Variants in FMN1 observed in about 807,000 individuals in gnomAD.
The protein encoded by FMN1 is formin-1.
Under a neutral mutation model 132.4 loss-of-function variants are expected in FMN1, and 110 were observed. The observed-to-expected ratio is 0.83, with a 90% confidence interval of 0.71 to 0.97. The LOEUF (loss-of-function observed/expected upper bound fraction) is 0.97. FMN1 is among the 50% of genes least tolerant of loss of function. The pLI, the probability that FMN1 is intolerant of heterozygous loss-of-function variation, is 0.00. For missense variants in FMN1, 1,792 were observed against 1,705.3 expected (o/e 1.05, Z -0.90); for synonymous variants, 722 against 651.7 (o/e 1.11, Z -1.64).
intron 15 of FMN1, among the ~76,000 whole-genome samples, chr15:32,897,616 A>G (rs929358307): frequency 2.0e-5 from 3 of 152,214 alleles, no homozygotes; most frequent in Middle Eastern, 3.2e-3. Context: ...GCAAGGTTGT[A>G]AAAGATTGGA....
intron 3 of FMN1, among the ~76,000 whole-genome samples, chr15:33,158,471 G>T (rs898148705): frequency 1.3e-5 from 2 of 151,720 alleles, no homozygotes; most frequent in African/African-American, 4.8e-5. Flanking sequence ...TTACACTATT[G>T]CCTCATCCAC....
At chr15:32,883,556 C>G (rs692950) in intron 16 of FMN1, among the ~76,000 whole-genome samples, 1 of 125,136 alleles carries the variant, frequency 8.0e-6, no homozygotes, top group African/African-American at 2.9e-5. Context: ...TGAGATCAAG[C>G]GGTAAGTAAT....
chr15:33,126,211 T>TA (rs1430538110), intron 4 of FMN1, among the ~76,000 whole-genome samples: 2 of 150,190 alleles, frequency 1.3e-5, no homozygotes, highest in Non-Finnish European at 2.9e-5. Context: ...AAGCACCACC[T>TA]AAAGACAGAG....
chr15:33,007,947 C>T, intron 7 of FMN1, 67 bp downstream of exon 7: 1 of 1,355,518 alleles, frequency 7.4e-7, no homozygotes, highest in South Asian at 1.3e-5. Context: ...GGAATATTTA[C>T]TTCAGCATAG....
intron 17 of FMN1, among the ~76,000 whole-genome samples, chr15:32,834,062 TCTGTTTC>T (rs1393535911): frequency 6.6e-6 from 1 of 152,226 alleles, no homozygotes; most frequent in Non-Finnish European, 1.5e-5. Context: ...CCAATTCAGT[TCTGTTTC>T]CTTTCACCAA....
At chr15:32,820,283 G>C (rs2141098047) in intron 17 of FMN1, among the ~76,000 whole-genome samples, 1 of 152,230 alleles carries the variant, frequency 6.6e-6, no homozygotes, top group Middle Eastern at 3.4e-3. Context: ...TACATAAAAA[G>C]CGGGCTCAAC....
At chr15:32,800,444 T>C (rs976441660) in intron 18 of FMN1, among the ~76,000 whole-genome samples, 3 of 152,228 alleles carry the variant, frequency 2.0e-5, no homozygotes, top group Admixed American at 2.0e-4. Context: ...ATAACCCTTA[T>C]TTCCATGGCA....
intron 9 of FMN1, 21 bp downstream of exon 9, chr15:32,964,086 T>C: frequency 1.3e-6 from 2 of 1,583,276 alleles, no homozygotes; most frequent in Non-Finnish European, 1.7e-6. Flanking sequence ...TAATTACAGC[T>C]TTGCCATAAT....
intron 17 of FMN1, among the ~76,000 whole-genome samples, chr15:32,832,539 G>A (rs901136793): frequency 2.6e-5 from 4 of 152,114 alleles, no homozygotes; most frequent in African/African-American, 9.7e-5. Flanking sequence ...CAGCACTTTG[G>A]GAGGCCGAGG....
intron 5 of FMN1, among the ~76,000 whole-genome samples, chr15:33,081,384 A>G (rs928552850): frequency 1.3e-5 from 2 of 152,332 alleles, no homozygotes; most frequent in African/African-American, 4.8e-5. Context: ...ACAATATGTA[A>G]TAATTAAAAG....
At chr15:32,932,774 T>C (rs1306061535) in intron 9 of FMN1, among the ~76,000 whole-genome samples, 4 of 152,172 alleles carry the variant, frequency 2.6e-5, no homozygotes, top group Non-Finnish European at 5.9e-5. Flanking sequence ...GGTTATCCAA[T>C]TTTTTGGCAT....
chr15:33,060,807 T>C (rs1035512458), intron 6 of FMN1, among the ~76,000 whole-genome samples: 22 of 152,240 alleles, frequency 1.4e-4, no homozygotes, highest in Admixed American at 1.4e-3. Flanking sequence ...TTCTTCAAAC[T>C]TTTTTCTTTC....
At chr15:33,067,171 T>TAC (rs1566885118) in intron 5 of FMN1, 1 of 1,613,886 alleles carries the variant, frequency 6.2e-7, no homozygotes, top group Admixed American at 1.7e-5. Context: ...CTTGGGACCC[T>TAC]TCTTCTCCCA....
intron 2 of FMN1, among the ~76,000 whole-genome samples, chr15:33,182,796 A>G (rs746824293): frequency 1.3e-5 from 2 of 152,198 alleles, no homozygotes; most frequent in Non-Finnish European, 1.5e-5. Context: ...GAGGAAAAAA[A>G]TTTATTCCTT....
chr15:32,842,787 C>T (rs999078305), intron 17 of FMN1, among the ~76,000 whole-genome samples: 9 of 139,946 alleles, frequency 6.4e-5, no homozygotes, highest in African/African-American at 1.8e-4. Context: ...GGAACCTCAG[C>T]TTTTTTTTTT....
At chr15:32,946,604 A>G (rs2061516782) in intron 9 of FMN1, among the ~76,000 whole-genome samples, 4 of 152,190 alleles carry the variant, frequency 2.6e-5, no homozygotes, top group Non-Finnish European at 4.4e-5. Context: ...CTCTTCTCCT[A>G]AAAAATTAGC....
chr15:32,951,195 G>A (rs2061645039), intron 9 of FMN1, among the ~76,000 whole-genome samples: 1 of 152,080 alleles, frequency 6.6e-6, no homozygotes, highest in Non-Finnish European at 1.5e-5. Context: ...GCTCTCCAAA[G>A]ATTTAAAAAG....
chr15:32,823,980 T>C (rs1268768275), intron 17 of FMN1, among the ~76,000 whole-genome samples: 2 of 152,216 alleles, frequency 1.3e-5, no homozygotes, highest in African/African-American at 2.4e-5. Flanking sequence ...CCAAAAGCCA[T>C]GTGCTCCCTT....
chr15:33,109,271 T>C (rs2039604866), intron 4 of FMN1, among the ~76,000 whole-genome samples: 1 of 152,072 alleles, frequency 6.6e-6, no homozygotes, highest in African/African-American at 2.4e-5. Flanking sequence ...TCCACTATAG[T>C]TTCCTTACTT....
Sources: allele counts gnomAD v4.1 joint callset (sites outside exome capture counted in the v4.1 genomes callset), GRCh38; gene constraint gnomAD v4.1.1; transcripts MANE v1.5; gene names NCBI Gene and HGNC (gene_info 2026-07-23, HGNC 2026-07-21).